The following LLGL2 variants were observed in gnomAD, a reference collection of about 807,000 sequenced individuals.
The protein encoded by LLGL2 is LLGL scribble cell polarity complex component 2.
A neutral mutation model predicts 123.2 loss-of-function variants in LLGL2; 81 were observed. The observed-to-expected ratio is 0.66, with a 90% CI of 0.55 to 0.79. The LOEUF (loss-of-function observed/expected upper bound fraction) is 0.79. Ranked by LOEUF, LLGL2 falls within the 30% of genes least tolerant of loss-of-function variation. LLGL2 has a pLI of 0.00. For synonymous variants in LLGL2, 577 were observed against 594.1 expected (o/e 0.97, Z 0.42); for missense variants, 1,273 against 1,414.6 (o/e 0.90, Z 1.61).
In LLGL2 at chr17:75,559,725, G is replaced by T. The variant is rs1030001415; in HGVS notation, c.530+315G>T. Among the ~76,000 whole-genome samples, 4 of 152,210 alleles carry T rather than the reference G, an allele frequency of 2.6e-5. No homozygotes were observed. The highest frequency in any genetic ancestry group is 5.9e-5 in the Non-Finnish European group (4 of 68,036). ...TGGGTTTCAGAACCCCAGGGGCTCC[G>T]CAGCGGGGAAGTCGGGCCCAGACCT... is the stretch of plus-strand genomic sequence containing the variant. On this transcript the variant is annotated intron_variant, in intron 6 of 25. Coordinates refer to ENST00000392550, the MANE Select transcript of LLGL2 (RefSeq NM_001031803.2). The surrounding 1 kb of genome is among the most constrained non-coding windows in gnomAD (Gnocchi z 4.6).
At chr17:75,561,188 C>T (rs1242834468) in intron 6 of LLGL2, among the ~76,000 whole-genome samples, 2 of 148,024 alleles carry the variant, frequency 1.4e-5, no homozygotes, top group African/African-American at 2.5e-5. Context: ...GTTTTTAAAA[C>T]GTGCAACCCT....
chr17:75,532,078 T>TC (rs1568015935), intron 1 of LLGL2, among the ~76,000 whole-genome samples: 1 of 26,010 alleles, frequency 3.8e-5, no homozygotes, highest in African/African-American at 1.4e-4. Flanking sequence ...ACACACACAC[T>TC]TTTTTTTTTT....
chr17:75,529,501 G>A (rs967684209), intron 1 of LLGL2, among the ~76,000 whole-genome samples: 2 of 151,126 alleles, frequency 1.3e-5, no homozygotes, highest in African/African-American at 2.4e-5. Flanking sequence ...CACTGCACCC[G>A]GCCCCTGCCA....
intron 2 of LLGL2, among the ~76,000 whole-genome samples, chr17:75,553,233 G>A (rs941268611): frequency 2.0e-5 from 3 of 152,252 alleles, no homozygotes; most frequent in Non-Finnish European, 4.4e-5. Context: ...CCGCTGCTGG[G>A]CCCTATCTGT....
intron 1 of LLGL2, among the ~76,000 whole-genome samples, chr17:75,526,367 G>A (rs1420976364): frequency 6.6e-6 from 1 of 152,254 alleles, no homozygotes; most frequent in African/African-American, 2.4e-5. Flanking sequence ...CCTTTCTCCA[G>A]CTGGGGCGGC....
In LLGL2 at chr17:75,569,226, C is replaced by T. The variant is rs143624894; in HGVS notation, c.1482C>T (p.Gly494=). ...GGGCCCCTCCCCTTCTCCAGGTGGG[C>T]TCCTTTGACCCCTACAGTGATGACC... ...EDEWPPLRKV[G]SFDPYSDDPR... The change falls in exon 14 of 26, where the codon GGC becomes GGT. Residue 494 remains glycine, a synonymous_variant. Transcript: ENST00000392550. 2.5e-4 allele frequency: 397 copies of T among 1,613,430 alleles called. No homozygotes were observed. The highest frequency in any genetic ancestry group is 3.0e-4 in the Non-Finnish European group (359 of 1,179,852).
chr17:75,557,970 G>T (rs2054991908), intron 3 of LLGL2, 185 bp from the exon 4 acceptor site: 1 of 711,496 alleles, frequency 1.4e-6, no homozygotes, highest in East Asian at 2.6e-5. Context: ...CTGGCCTGGT[G>T]CCCCAGGGCC....
At chr17:75,560,346 G>A (rs1020327057) in intron 6 of LLGL2, among the ~76,000 whole-genome samples, 15 of 152,240 alleles carry the variant, frequency 9.9e-5, no homozygotes, top group Admixed American at 8.5e-4. Flanking sequence ...TGGGCAGGAC[G>A]GCATGGGACC....
Position 75,571,703 on chromosome 17 carries a change from A to C in LLGL2, c.2213A>C (p.Asn738Thr), listed in dbSNP as rs199685129. ...TGCCCCTCGCTGTGGGCTGGCACCA[A>C]TGGGGGCACCATCTATGCCTTCTCC... ...RHCPSLWAGT[N>T]GGTIYAFSLR... The change falls in exon 18 of 26, where the codon AAT becomes ACT. Residue 738 changes from asparagine (N) to threonine (T), a missense_variant. Asn to Thr is a moderately conservative substitution (Grantham distance 65, BLOSUM62 0). Coordinates refer to ENST00000392550, the MANE Select transcript of LLGL2 (RefSeq NM_001031803.2). 2.5e-5 allele frequency: 41 copies of C among 1,609,564 alleles called. No individual in the cohort carries two copies. The highest frequency in any genetic ancestry group is 3.2e-5 in the Non-Finnish European group (38 of 1,179,908).
At chr17:75,538,808 C>T (rs1009057668) in intron 1 of LLGL2, among the ~76,000 whole-genome samples, 3 of 152,310 alleles carry the variant, frequency 2.0e-5, no homozygotes, top group African/African-American at 7.2e-5. Context: ...GAACAGGGAA[C>T]GCACAGGCTC....
At chr17:75,536,877 G>T (rs2054021658) in intron 1 of LLGL2, among the ~76,000 whole-genome samples, 1 of 152,036 alleles carries the variant, frequency 6.6e-6, no homozygotes, top group Non-Finnish European at 1.5e-5. Context: ...ACCCAGGCTG[G>T]AGTGCAGTGG....
chr17:75,532,055 T>TATACACACACACACACACAC (rs1555648011), intron 1 of LLGL2, among the ~76,000 whole-genome samples: 15 of 93,764 alleles, frequency 1.6e-4, no homozygotes, highest in South Asian at 3.3e-4. Flanking sequence ...TATGTATATA[T>TATACACACACACACACACAC]ACACACACAC....
At position 75,564,246 on chromosome 17, in the gene LLGL2, C is replaced by T; in HGVS notation, c.882-107C>T. 6.6e-7 allele frequency: 1 copy of T among 1,518,946 alleles called. No homozygotes were observed. Among genetic ancestry groups the T allele is most frequent in the Non-Finnish European group, 8.8e-7 (1 of 1,138,654 alleles). 94.1% of individuals were successfully genotyped at this position (1,518,946 alleles called of 1,614,324 possible). A position where few individuals can be genotyped will look rare whatever the true frequency, so the allele number is the denominator to read the frequency against. ...TTGGAAGGAGATGGGGTCCAGTCTC[C>T]CCTGCTCCTGGGGACCTTGACTGAG... On this transcript the variant is annotated intron_variant, in intron 9 of 25. Coordinates refer to ENST00000392550, the MANE Select transcript of LLGL2 (RefSeq NM_001031803.2). This position sits in a 1 kb window ranked among gnomAD's most constrained non-coding sequence, Gnocchi z 4.9.
rs1245489040 is a variant in LLGL2 at position 75,549,244 on chromosome 17, G to A, written c.75+5743G>A. On this transcript the variant is annotated intron_variant, in intron 2 of 25. Transcript: ENST00000392550. The surrounding 1 kb of genome is among the most constrained non-coding windows in gnomAD (Gnocchi z 4.0). ...CCAGGACAGGGCCACTGAGGACCAA[G>A]GGAAGGAACCATGGGACCTCGGGAG... Among the ~76,000 whole-genome samples the A allele has an allele frequency of 6.6e-6, 1 of 152,178 alleles. No homozygotes were observed. The highest frequency in any genetic ancestry group is 6.5e-5 in the Admixed American group (1 of 15,288).
Position 75,549,312 on chromosome 17 carries a change from A to G in LLGL2, c.75+5811A>G, listed in dbSNP as rs1289641412. Among the ~76,000 whole-genome samples, 1 of 152,114 alleles carries G rather than the reference A, an allele frequency of 6.6e-6. No homozygotes were observed. The highest frequency in any genetic ancestry group is 1.5e-5 in the Non-Finnish European group (1 of 67,998). On this transcript the variant is annotated intron_variant, in intron 2 of 25. Coordinates refer to ENST00000392550, the MANE Select transcript of LLGL2 (RefSeq NM_001031803.2). The surrounding 1 kb of genome is among the most constrained non-coding windows in gnomAD (Gnocchi z 4.0). The stretch of plus-strand genomic sequence containing the variant: ...AGAAGTCAAGGTAAAACCCGTTCCT[A>G]GACAACTGCTCACAGCCAGCTCGCT...
rs1157631901 is a variant in LLGL2 at position 75,558,809 on chromosome 17, TCC to T, written c.371+183_371+184del. ...GGAGTGGGCGGGGCTGCAGCCTGCC[TCC>T]TCCATCCACACCACGCCTCCTCCAT... On this transcript the variant is annotated intron_variant, in intron 5 of 25. Transcript: ENST00000392550. This position sits in a 1 kb window ranked among gnomAD's most constrained non-coding sequence, Gnocchi z 4.0. 8.3e-6 allele frequency among the ~76,000 whole-genome samples: 1 copy of T among 121,128 alleles called. No homozygotes were observed. Among genetic ancestry groups the T allele is most frequent in the Non-Finnish European group, 1.7e-5 (1 of 57,244 alleles). The allele number at this position is 121,128 out of a possible 152,430, so 79.5% of individuals were successfully genotyped here.
At chr17:75,539,135 T>G (rs2054114746) in intron 1 of LLGL2, among the ~76,000 whole-genome samples, 1 of 152,034 alleles carries the variant, frequency 6.6e-6, no homozygotes, top group Admixed American at 6.6e-5. Context: ...CATAGCTCAC[T>G]GCAGCCTCAA....
At chr17:75,571,135 T>A in intron 17 of LLGL2, 35 bp downstream of exon 17, 1 of 1,497,910 alleles carries the variant, frequency 6.7e-7, no homozygotes. Context: ...GGGCAGGGGG[T>A]AGTGGGCAGC....
At chr17:75,542,456 C>G (rs1173578894) in intron 1 of LLGL2, among the ~76,000 whole-genome samples, 1 of 152,278 alleles carries the variant, frequency 6.6e-6, no homozygotes, top group East Asian at 1.9e-4. Context: ...ACGGGCCTTG[C>G]TGTCCTGTGG....
Sources: allele counts gnomAD v4.1 joint callset (sites outside exome capture counted in the v4.1 genomes callset), GRCh38; gene constraint gnomAD v4.1.1; non-coding constraint Gnocchi (gnomAD v3.1); transcripts MANE v1.5; gene names NCBI Gene and HGNC (gene_info 2026-07-23, HGNC 2026-07-21).